The following ITGA6 variants were observed in gnomAD, a reference collection of about 807,000 sequenced individuals.
ITGA6 encodes the protein integrin alpha-6.
ITGA6 carries 63 observed loss-of-function variants against 133.6 expected under a neutral mutation model. The observed-to-expected ratio is 0.47, with a 90% confidence interval of 0.38 to 0.58. ITGA6 has a LOEUF of 0.58. ITGA6 is among the 20% of genes least tolerant of loss of function. ITGA6 has a pLI of 0.00. For missense variants in ITGA6, 1,068 were observed against 1,309.4 expected, an observed-to-expected ratio of 0.82 and a Z score of 2.85; for synonymous variants, 434 against 482.0, an observed-to-expected ratio of 0.90 and a Z score of 1.30.
intron 1 of ITGA6, among the ~76,000 whole-genome samples, chr2:172,458,885 A>AG (rs892906676): frequency 6.6e-6 from 1 of 152,208 alleles, no homozygotes; most frequent in Admixed American, 6.5e-5. Context: ...GTTATGTAAA[A>AG]GGCACAGTCA....
At chr2:172,456,168 C>T (rs141818875) in intron 1 of ITGA6, among the ~76,000 whole-genome samples, 1 of 152,298 alleles carries the variant, frequency 6.6e-6, no homozygotes, top group African/African-American at 2.4e-5. Flanking sequence ...AGAGGAGAGA[C>T]AGTACTTCTG....
At chr2:172,451,217 CA>C (rs1684983842) in intron 1 of ITGA6, among the ~76,000 whole-genome samples, 1 of 151,470 alleles carries the variant, frequency 6.6e-6, no homozygotes, top group Admixed American at 6.6e-5. Flanking sequence ...GTAATCCCAG[CA>C]CTTTGGGAGG....
rs748799081 is a variant in ITGA6, at chr2:172,488,046, T to A, written c.2402+8T>A. The A allele has an allele frequency of 3.1e-5, 50 of 1,613,666 alleles. No individual in the cohort carries two copies. The Admixed American group carries it at 5.0e-4, about 16-fold the overall frequency. On this transcript the variant is annotated splice_region_variant and intron_variant, in intron 18 of 25. Coordinates refer to ENST00000684293, the MANE Select transcript of ITGA6 (RefSeq NM_000210.4). ...GCTTTTATCGGTCTCGGGGTAAGTG[T>A]TTGTGTTTAGCATAACAAATCAATG...
At chr2:172,485,423 C>T (rs967960817) in intron 13 of ITGA6, among the ~76,000 whole-genome samples, 159 bp downstream of exon 13, 1 of 152,096 alleles carries the variant, frequency 6.6e-6, no homozygotes, top group African/African-American at 2.4e-5. Flanking sequence ...GACTTGTTTC[C>T]CAAATTAGCA....
chr2:172,502,521 A>G (rs1239454002), intron 25 of ITGA6, among the ~76,000 whole-genome samples: 1 of 152,226 alleles, frequency 6.6e-6, no homozygotes, highest in African/African-American at 2.4e-5. Context: ...CTACAGGTCA[A>G]AGACCATTAC....
intron 1 of ITGA6, among the ~76,000 whole-genome samples, chr2:172,451,989 T>G: frequency 9.4e-6 from 1 of 106,768 alleles, no homozygotes; most frequent in African/African-American, 3.6e-5. Context: ...TTCTCTATCG[T>G]CTTTTCCTCC....
intron 1 of ITGA6, among the ~76,000 whole-genome samples, chr2:172,459,885 G>A (rs142331467): frequency 9.3e-4 from 141 of 152,338 alleles, no homozygotes; most frequent in Middle Eastern, 3.4e-3. Flanking sequence ...CTCTGAGAAG[G>A]GAGTGTGAGC....
rs72087668 is a variant in ITGA6 at position 172,435,027 on chromosome 2, AGTGTGTGTGT to A, written c.182+7080_182+7089del. Among the ~76,000 whole-genome samples the A allele has an allele frequency of 6.4e-3, 928 of 144,154 alleles. 8 individuals are homozygous for A. The highest frequency in any genetic ancestry group is 0.022 in the African/African-American group (852 of 39,072). 94.6% of individuals were successfully genotyped at this position (144,154 alleles called of 152,430 possible). Reference sequence around the variant, plus strand: ...GTTCATTTGTACTGAGGTGGTTTTAAGTGTGTGTGTGTGTGTGTGTGTGTGTGTGTGTATG... The same window carrying A: ...GTTCATTTGTACTGAGGTGGTTTTAAGTGTGTGTGTGTGTGTGTGTGTATG... On this transcript the variant is annotated intron_variant, in intron 1 of 25. Transcript: ENST00000684293.
intron 1 of ITGA6, among the ~76,000 whole-genome samples, chr2:172,456,744 T>C (rs1309368473): frequency 1.3e-5 from 2 of 152,224 alleles, no homozygotes; most frequent in African/African-American, 4.8e-5. Context: ...AGCTCTCTGA[T>C]GTAGGGGTCT....
At chr2:172,485,333 G>A in intron 13 of ITGA6, 69 bp downstream of exon 13, 1 of 1,333,356 alleles carries the variant, frequency 7.5e-7, no homozygotes, top group Non-Finnish European at 1.1e-6. Flanking sequence ...AAATGTCTTT[G>A]AAGGGAATAG....
At position 172,501,886 on chromosome 2, in the gene ITGA6, T is replaced by C. The variant is rs751376690; in HGVS notation, c.*7T>C. On this transcript the variant is annotated 3_prime_UTR_variant, in exon 25 of 26. Transcript: ENST00000684293. ...GCTTACTTCTGATGCATAGTATTGA[T>C]CTACTTCTGTAATTGGTAATTGATC... is the stretch of plus-strand genomic sequence containing the variant. The C allele has an allele frequency of 3.7e-6, 6 of 1,612,090 alleles. No individual in the cohort carries two copies. In the South Asian group the frequency reaches 4.4e-5, roughly 12 times the overall value.
chr2:172,481,561 AT>A (rs1686440900), intron 11 of ITGA6, among the ~76,000 whole-genome samples: 1 of 152,126 alleles, frequency 6.6e-6, no homozygotes. Flanking sequence ...CCTTCACCTG[AT>A]TCTCAGTGTC....
At chr2:172,474,660 T>TG (rs936080175) in intron 6 of ITGA6, among the ~76,000 whole-genome samples, 3 of 152,216 alleles carry the variant, frequency 2.0e-5, no homozygotes, top group East Asian at 1.9e-4. Flanking sequence ...TGGTGCCAGT[T>TG]GGGGGGGTTA....
intron 1 of ITGA6, among the ~76,000 whole-genome samples, chr2:172,446,529 C>T (rs1436328241): frequency 1.3e-5 from 2 of 152,118 alleles, no homozygotes; most frequent in Middle Eastern, 3.2e-3. Context: ...TACTATGTGC[C>T]GAGCACTGTG....
chr2:172,491,533 T>A lies in ITGA6; in HGVS notation c.2988+10T>A, dbSNP rs751234547. The stretch of plus-strand genomic sequence containing the variant: ...AAATGCAGGCACTCAGGTGAGAGGT[T>A]CCCCAGCTTCATTCAGGTTCAGAAC... On this transcript the variant is annotated intron_variant, in intron 23 of 25. Transcript: ENST00000684293. The surrounding 1 kb of genome is among the most constrained non-coding windows in gnomAD (Gnocchi z 4.4). 1 of 1,570,360 alleles carries A rather than the reference T, an allele frequency of 6.4e-7. No homozygotes were observed. The highest frequency in any genetic ancestry group is 8.8e-7 in the Non-Finnish European group (1 of 1,140,856).
At chr2:172,474,391 A>C (rs1574377636) in intron 6 of ITGA6, 126 bp downstream of exon 6, 2 of 804,582 alleles carry the variant, frequency 2.5e-6, no homozygotes. Context: ...CCGCATTTTT[A>C]CCAGCCTATC....
At chr2:172,439,307 T>G (rs897834961) in intron 1 of ITGA6, among the ~76,000 whole-genome samples, 7 of 151,908 alleles carry the variant, frequency 4.6e-5, no homozygotes, top group African/African-American at 1.4e-4. Flanking sequence ...ACGAATGGCC[T>G]TGTTGAATTG....
In ITGA6 at chr2:172,501,806, A is replaced by G; in HGVS notation, c.3149A>G (p.Tyr1050Cys). 1 of 1,612,666 alleles carries G rather than the reference A, an allele frequency of 6.2e-7. No homozygotes were observed. Among genetic ancestry groups the G allele is most frequent in the Non-Finnish European group, 8.5e-7 (1 of 1,179,316 alleles). ...TTCAAGAGAAATAAGAAAGATCATT[A>G]TGATGCCACATATCACAAGGCTGAG... Reference protein sequence around the residue: ...GFFKRNKKDHYDATYHKAEIH... With the variant: ...GFFKRNKKDHCDATYHKAEIH... The change falls in exon 25 of 26, where the codon TAT (tyrosine) becomes TGT (cysteine). Residue 1050 changes from tyrosine (Y) to cysteine (C), a missense_variant. This residue lies in a region of ITGA6 where 609 missense variants were observed against 707.2 expected (regional missense o/e 0.86). Coordinates refer to ENST00000684293, the MANE Select transcript of ITGA6 (RefSeq NM_000210.4).
intron 23 of ITGA6, among the ~76,000 whole-genome samples, chr2:172,495,012 TATATG>T (rs1299707752): frequency 1.3e-5 from 2 of 152,230 alleles, no homozygotes; most frequent in Non-Finnish European, 2.9e-5. Flanking sequence ...GATGGCCTGT[TATATG>T]ATAAACACCA....
Sources: allele counts gnomAD v4.1 joint callset (sites outside exome capture counted in the v4.1 genomes callset), GRCh38; gene constraint gnomAD v4.1.1; regional missense constraint gnomAD v4.1.1; non-coding constraint Gnocchi (gnomAD v3.1); transcripts MANE v1.5; gene names NCBI Gene and HGNC (gene_info 2026-07-23, HGNC 2026-07-21).